The following GALNT2 variants were observed in gnomAD, a reference collection of about 807,000 sequenced individuals.
The protein encoded by GALNT2 is UDP-GalNAc:polypeptide N-acetylgalactosaminyltransferase 2.
A neutral mutation model predicts 81.4 loss-of-function variants in GALNT2; 31 were observed. That is an observed-to-expected ratio of 0.38 (90% confidence interval 0.29 to 0.51). The LOEUF (loss-of-function observed/expected upper bound fraction) is 0.51, where lower values mean the gene tolerates loss of function less well. Ranked by LOEUF, GALNT2 falls within the 20% of genes least tolerant of loss-of-function variation. The pLI is 0.87. For synonymous variants in GALNT2, 303 were observed against 287.4 expected (o/e 1.05, Z -0.55); for missense variants, 629 against 765.7 (o/e 0.82, Z 2.11).
intron 1 of GALNT2, among the ~76,000 whole-genome samples, chr1:230,081,906 C>T (rs971831690): frequency 4.6e-5 from 7 of 152,178 alleles, no homozygotes; most frequent in Admixed American, 3.3e-4. Context: ...CTTGCGTTTC[C>T]TTGTCTGGAA....
chr1:230,160,343 G>A (rs1572033504), intron 1 of GALNT2, among the ~76,000 whole-genome samples: 1 of 152,154 alleles, frequency 6.6e-6, no homozygotes, highest in South Asian at 2.1e-4. Flanking sequence ...AAGGGCGTTG[G>A]ACGTGGCCAG....
chr1:230,263,272 GT>G (rs1359378515), intron 13 of GALNT2: 15 of 439,566 alleles, frequency 3.4e-5, no homozygotes, highest in Non-Finnish European at 6.2e-5. Context: ...TTTTTGGCTT[GT>G]TCTCCATTGG....
intron 1 of GALNT2, among the ~76,000 whole-genome samples, chr1:230,111,939 C>A (rs1184930402): frequency 6.6e-6 from 1 of 151,826 alleles, no homozygotes; most frequent in African/African-American, 2.4e-5. Flanking sequence ...TAAACATATC[C>A]CCTTGTTAAA....
At chr1:230,071,935 C>A (rs1391320421) in intron 1 of GALNT2, among the ~76,000 whole-genome samples, 4 of 152,158 alleles carry the variant, frequency 2.6e-5, no homozygotes, top group South Asian at 4.1e-4. Flanking sequence ...CTTCCCTAGA[C>A]CCTTGAGCAA....
intron 1 of GALNT2, among the ~76,000 whole-genome samples, chr1:230,168,563 T>C (rs1425213961): frequency 6.6e-6 from 1 of 152,180 alleles, no homozygotes; most frequent in East Asian, 1.9e-4. Context: ...GGCTTAAAAT[T>C]TCCATTAAAA....
chr1:230,242,469 A>G (rs1665230890), intron 6 of GALNT2, among the ~76,000 whole-genome samples: 1 of 152,212 alleles, frequency 6.6e-6, no homozygotes, highest in African/African-American at 2.4e-5. Context: ...AAAGCCCAGC[A>G]TATATAGCAA....
At chr1:230,202,970 C>T (rs1663948188) in intron 2 of GALNT2, among the ~76,000 whole-genome samples, 167 bp from the exon 3 acceptor site, 1 of 152,186 alleles carries the variant, frequency 6.6e-6, no homozygotes, top group African/African-American at 2.4e-5. Context: ...GGGTTGTAGA[C>T]AGGATGATGC....
chr1:230,279,603 G>C lies in GALNT2; in HGVS notation c.*145G>C. 9.6e-7 allele frequency: 1 copy of C among 1,037,382 alleles called. No homozygotes were observed. The allele number at this position is 1,037,382 out of a possible 1,614,324, so 64.3% of individuals were successfully genotyped here. A position where few individuals can be genotyped will look rare whatever the true frequency, so the allele number is the denominator to read the frequency against. Reference sequence around the variant, plus strand: ...TGGTCTGAAAGTCAAACTTCGGCAAGGCACGGACGACTGTGCAGACACAGC... The same window carrying C: ...TGGTCTGAAAGTCAAACTTCGGCAACGCACGGACGACTGTGCAGACACAGC... On this transcript the variant is annotated 3_prime_UTR_variant, in exon 16 of 16. Transcript: ENST00000366672. This position sits in a 1 kb window ranked among gnomAD's most constrained non-coding sequence, Gnocchi z 4.6.
intron 1 of GALNT2, among the ~76,000 whole-genome samples, chr1:230,166,882 G>A (rs1572040499): frequency 6.6e-6 from 1 of 152,296 alleles, no homozygotes; most frequent in East Asian, 1.9e-4. Flanking sequence ...GAGAGAACAT[G>A]CTAGTGCTAG....
chr1:230,081,917 AAG>A (rs1386710700), intron 1 of GALNT2, among the ~76,000 whole-genome samples: 2 of 152,176 alleles, frequency 1.3e-5, no homozygotes, highest in South Asian at 2.1e-4. Flanking sequence ...TTGTCTGGAA[AAG>A]AGAGTTAGTG....
chr1:230,144,223 C>T (rs1445207682), intron 1 of GALNT2, among the ~76,000 whole-genome samples: 1 of 152,170 alleles, frequency 6.6e-6, no homozygotes, highest in Admixed American at 6.5e-5. Context: ...CTCCCTGTAT[C>T]TAGAGTGACC....
chr1:230,079,220 T>G (rs368824000), intron 1 of GALNT2, among the ~76,000 whole-genome samples: 1 of 152,364 alleles, frequency 6.6e-6, no homozygotes, highest in African/African-American at 2.4e-5. Context: ...CAATAAGAGA[T>G]TTTGGCAAAT....
chr1:230,217,205 GC>G (rs932385260), intron 3 of GALNT2, among the ~76,000 whole-genome samples: 6 of 152,092 alleles, frequency 3.9e-5, no homozygotes, highest in Non-Finnish European at 5.9e-5. Context: ...GAAAAAAAAA[GC>G]GGTGGAGGTT....
At chr1:230,202,850 T>C (rs531944435) in intron 2 of GALNT2, among the ~76,000 whole-genome samples, 1 of 152,360 alleles carries the variant, frequency 6.6e-6, no homozygotes, top group South Asian at 2.1e-4. Flanking sequence ...ACATGAATGA[T>C]GCCACAGTTA....
At chr1:230,104,668 C>G (rs766914809) in intron 1 of GALNT2, among the ~76,000 whole-genome samples, 1 of 152,216 alleles carries the variant, frequency 6.6e-6, no homozygotes, top group Non-Finnish European at 1.5e-5. Context: ...CCACCCATGT[C>G]CCCAGTGGCT....
Position 230,262,918 on chromosome 1 carries a change from C to G in GALNT2, c.1230-4C>G. On this transcript the variant is annotated splice_polypyrimidine_tract_variant and splice_region_variant and intron_variant, in intron 12 of 15. Transcript: ENST00000366672. ...TAAAGGAATCTTATTTCCCTCTTCT[C>G]CAGTATTCAGAGCAGATTGGAGCTT... The G allele has an allele frequency of 1.2e-6, 2 of 1,612,804 alleles. No homozygotes were observed. Among genetic ancestry groups the G allele is most frequent in the Non-Finnish European group, 1.7e-6 (2 of 1,178,878 alleles).
At position 230,132,974 on chromosome 1, in the gene GALNT2, C is replaced by T. The variant is rs545722664; in HGVS notation, c.127-45244C>T. Among the ~76,000 whole-genome samples the T allele has an allele frequency of 8.5e-5, 13 of 152,276 alleles. No homozygotes were observed. In the East Asian group the frequency reaches 9.7e-4, roughly 11 times the overall value. ...GGAAGAAGGAACACATAATTCATGC[C>T]GCGTAAGCATCCCCACCACGGTGCC... is the stretch of plus-strand genomic sequence containing the variant. On this transcript the variant is annotated intron_variant, in intron 1 of 15. Coordinates refer to ENST00000366672, the MANE Select transcript of GALNT2 (RefSeq NM_004481.5).
intron 2 of GALNT2, 145 bp downstream of exon 2, chr1:230,178,456 A>T (rs1259553226): frequency 1.2e-5 from 7 of 586,834 alleles, no homozygotes; most frequent in Non-Finnish European, 1.8e-5. Flanking sequence ...CTGCTTTGCC[A>T]ACTTCCATCG....
At chr1:230,273,661 A>T (rs1294089230) in intron 14 of GALNT2, among the ~76,000 whole-genome samples, 1 of 152,068 alleles carries the variant, frequency 6.6e-6, no homozygotes, top group Non-Finnish European at 1.5e-5. Context: ...ACAGCCTTTA[A>T]CTTGTGTGTG....
Sources: allele counts gnomAD v4.1 joint callset (sites outside exome capture counted in the v4.1 genomes callset), GRCh38; gene constraint gnomAD v4.1.1; non-coding constraint Gnocchi (gnomAD v3.1); transcripts MANE v1.5; gene names NCBI Gene and HGNC (gene_info 2026-07-23, HGNC 2026-07-21).